MBP: variants seen among roughly 807,000 people sequenced by gnomAD.
MBP encodes Golli-MBP.
In MBP, 16 loss-of-function variants were observed where a neutral mutation model predicts 35.8. That is an observed-to-expected ratio of 0.45 (90% CI 0.30 to 0.68). The LOEUF (loss-of-function observed/expected upper bound fraction) is 0.68, where lower values mean the gene tolerates loss of function less well. Among genes scored for constraint, MBP ranks in the 30% least tolerant of loss-of-function variants. The pLI is 0.08. For synonymous variants in MBP, 143 were observed against 159.6 expected (o/e 0.90, Z 0.78); for missense variants, 380 against 404.7 (o/e 0.94, Z 0.52).
intron 3 of MBP, among the ~76,000 whole-genome samples, chr18:77,037,817 C>T (rs994003748): frequency 5.3e-5 from 8 of 152,192 alleles, no homozygotes; most frequent in Admixed American, 1.3e-4. Context: ...GTGACAGAGA[C>T]GTGGCCACAT....
chr18:77,029,688 A>G (rs940963499), intron 3 of MBP, among the ~76,000 whole-genome samples: 1 of 152,156 alleles, frequency 6.6e-6, no homozygotes, highest in Non-Finnish European at 1.5e-5. Flanking sequence ...CTTTAAAAGT[A>G]GTATGTTTTG....
intron 3 of MBP, among the ~76,000 whole-genome samples, chr18:77,029,177 G>A (rs1351877076): frequency 6.4e-5 from 8 of 125,266 alleles, no homozygotes; most frequent in African/African-American, 2.1e-4. Context: ...GGGAGGCCGA[G>A]GCTGGCGGAT....
At chr18:77,097,828 T>C (rs534248678) in intron 2 of MBP, among the ~76,000 whole-genome samples, 1 of 152,298 alleles carries the variant, frequency 6.6e-6, no homozygotes, top group African/African-American at 2.4e-5. Flanking sequence ...GTGGAGCCGG[T>C]ATTAGGGGGA....
At chr18:76,985,623 A>T (rs1969506731) in intron 7 of MBP, 1 of 1,055,560 alleles carries the variant, frequency 9.5e-7, no homozygotes, top group Non-Finnish European at 1.1e-6. Flanking sequence ...CCTGGCTGGC[A>T]CGGGGGGCGG....
chr18:76,988,145 G>C lies in MBP; in HGVS notation c.750+350C>G. ...CACATGCGGGTTCCTGGGGCTTCTCGCACTGGTTGTGTTGGAGGAAGTTAA... is the reference window on the plus strand; with the variant it reads ...CACATGCGGGTTCCTGGGGCTTCTCCCACTGGTTGTGTTGGAGGAAGTTAA... On this transcript the variant is annotated intron_variant, in intron 7 of 8. Coordinates refer to ENST00000355994, the MANE Select transcript of MBP (RefSeq NM_001025101.2). This position sits in a 1 kb window ranked among gnomAD's most constrained non-coding sequence, Gnocchi z 5.2. 1.3e-6 allele frequency: 2 copies of C among 1,533,236 alleles called. No individual in the cohort carries two copies. Among genetic ancestry groups the C allele is most frequent in the Non-Finnish European group, 1.7e-6 (2 of 1,144,720 alleles). The allele number at this position is 1,533,236 out of a possible 1,614,324, so 95.0% of individuals were successfully genotyped here.
chr18:77,082,512 A>C (rs1421707701), intron 2 of MBP, among the ~76,000 whole-genome samples: 1 of 152,220 alleles, frequency 6.6e-6, no homozygotes, highest in Non-Finnish European at 1.5e-5. Flanking sequence ...TTCAGGGCTG[A>C]CAAAAATGTA....
chr18:77,063,242 A>G, intron 3 of MBP, among the ~76,000 whole-genome samples: 1 of 152,210 alleles, frequency 6.6e-6, no homozygotes, highest in East Asian at 1.9e-4. Flanking sequence ...CCTTTAGAGT[A>G]GAGTTCTGTG....
chr18:77,008,249 C>T (rs1458964835), intron 4 of MBP, among the ~76,000 whole-genome samples: 2 of 152,332 alleles, frequency 1.3e-5, no homozygotes, highest in Non-Finnish European at 2.9e-5. Flanking sequence ...AGGGCGGGGC[C>T]GGCAGGGTCG....
At chr18:77,006,934 C>A (rs1830973369) in intron 4 of MBP, 1 of 152,650 alleles carries the variant, frequency 6.6e-6, no homozygotes, top group Admixed American at 6.5e-5. Context: ...AGTAGACAGA[C>A]AGAGAGACAG....
At chr18:77,096,727 ATTGC>A (rs1975773133) in intron 2 of MBP, among the ~76,000 whole-genome samples, 1 of 152,118 alleles carries the variant, frequency 6.6e-6, no homozygotes. Context: ...TTCCAGACTT[ATTGC>A]TTGTTAGGTT....
At chr18:77,003,092 G>A (rs1970725050) in intron 4 of MBP, 1 of 152,206 alleles carries the variant, frequency 6.6e-6, no homozygotes, top group African/African-American at 2.4e-5. Context: ...AAATGCCAGT[G>A]TAGTTAATGA....
chr18:76,991,409 G>A lies in MBP; in HGVS notation c.577-1349C>T, dbSNP rs1178695084. On this transcript the variant is annotated intron_variant, in intron 4 of 8. Coordinates refer to ENST00000355994, the MANE Select transcript of MBP (RefSeq NM_001025101.2). ...GGGGGCAGGGGAACACAGGGGACAT[G>A]GGGGCAGGTGACACAGGGGACATAG... Among the ~76,000 whole-genome samples the A allele has an allele frequency of 3.3e-5, 5 of 152,108 alleles. No individual in the cohort carries two copies. In the East Asian group the frequency reaches 7.7e-4, roughly 23 times the overall value.
intron 1 of MBP, chr18:77,113,557 T>C (rs1478347263): frequency 6.6e-6 from 1 of 152,394 alleles, no homozygotes; most frequent in African/African-American, 2.4e-5. Context: ...GGGAAGTAAG[T>C]GGAGACTTGC....
chr18:77,070,895 C>T (rs1974414708), intron 2 of MBP, among the ~76,000 whole-genome samples: 1 of 152,220 alleles, frequency 6.6e-6, no homozygotes. Flanking sequence ...GTTTTGAGGA[C>T]CCCGCTCAGG....
intron 4 of MBP, chr18:77,005,499 A>T (rs1460747272): frequency 6.6e-6 from 1 of 152,042 alleles, no homozygotes; most frequent in Admixed American, 6.6e-5. Flanking sequence ...CCCACGGGGG[A>T]GGCTCAGAGA....
intron 4 of MBP, chr18:77,016,600 C>T: frequency 1.4e-6 from 2 of 1,396,526 alleles, no homozygotes; most frequent in East Asian, 2.6e-5. Flanking sequence ...TCCTGAGCCA[C>T]ACCCCGGCCA....
At chr18:77,004,971 T>C (rs1419074110) in intron 4 of MBP, 1 of 152,258 alleles carries the variant, frequency 6.6e-6, no homozygotes, top group East Asian at 1.9e-4. Flanking sequence ...CCGCTGGTGA[T>C]ACAGGGGTCG....
At chr18:77,075,510 C>T (rs1354073247) in intron 2 of MBP, among the ~76,000 whole-genome samples, 1 of 152,178 alleles carries the variant, frequency 6.6e-6, no homozygotes, top group Non-Finnish European at 1.5e-5. Flanking sequence ...TGGAGTGGCG[C>T]TGAAGCTCCC....
In MBP at chr18:77,018,920, G is replaced by T. The variant is rs1387372165; in HGVS notation, c.140-1652C>A. Reference sequence around the variant, plus strand: ...TCCATCCATCCATCCATCCACTCATGTATTCATCCATTTACCTACCTGTTC... The same window carrying T: ...TCCATCCATCCATCCATCCACTCATTTATTCATCCATTTACCTACCTGTTC... On this transcript the variant is annotated intron_variant, in intron 3 of 8. Transcript: ENST00000355994. Among the ~76,000 whole-genome samples, 32 of 107,182 alleles carry T rather than the reference G, an allele frequency of 3.0e-4. 1 individual carries two copies. The highest frequency in any genetic ancestry group is 2.9e-3 in the Admixed American group (30 of 10,316). The allele number at this position is 107,182 out of a possible 152,430, so 70.3% of individuals were successfully genotyped here. A position where few individuals can be genotyped will look rare whatever the true frequency, so the allele number is the denominator to read the frequency against.
Sources: allele counts gnomAD v4.1 joint callset (sites outside exome capture counted in the v4.1 genomes callset), GRCh38; gene constraint gnomAD v4.1.1; non-coding constraint Gnocchi (gnomAD v3.1); transcripts MANE v1.5; gene names NCBI Gene and HGNC (gene_info 2026-07-23, HGNC 2026-07-21).